The following COL22A1 variants were observed in gnomAD, a reference collection of about 807,000 sequenced individuals.
COL22A1 encodes the protein collagen alpha-1(XXII) chain.
A neutral mutation model predicts 248.9 loss-of-function variants in COL22A1; 221 were observed. The observed-to-expected ratio is 0.89, with a 90% confidence interval of 0.80 to 0.99. The LOEUF is 0.99. COL22A1 is among the 50% of genes least tolerant of loss of function. The pLI, the probability that COL22A1 is intolerant of heterozygous loss-of-function variation, is 0.00. For synonymous variants in COL22A1, 891 were observed against 793.4 expected (o/e 1.12, Z -2.07); for missense variants, 2,240 against 2,179.0 (o/e 1.03, Z -0.56).
chr8:138,882,878 TATAC>T (rs1414750527), intron 2 of COL22A1, among the ~76,000 whole-genome samples, 200 bp downstream of exon 2: 1 of 152,140 alleles, frequency 6.6e-6, no homozygotes, highest in Non-Finnish European at 1.5e-5. Flanking sequence ...CTGTCAGACA[TATAC>T]AGGCCCTTGC....
At chr8:138,684,541 G>T in intron 38 of COL22A1, 72 bp from the exon 39 acceptor site, 1 of 1,054,566 alleles carries the variant, frequency 9.5e-7, no homozygotes. Flanking sequence ...CACGTGCCAG[G>T]CTGACTGCAT....
At chr8:138,896,885 A>C (rs1825453668) in intron 1 of COL22A1, among the ~76,000 whole-genome samples, 1 of 151,852 alleles carries the variant, frequency 6.6e-6, no homozygotes, top group South Asian at 2.1e-4. Context: ...AGGCAGGAGA[A>C]TCACTTGAAC....
rs138965074 is a variant in COL22A1, at chr8:138,676,593, G to C, written c.3115C>G (p.Arg1039Gly). 2 of 1,568,896 alleles carry C rather than the reference G, an allele frequency of 1.3e-6. No individual in the cohort carries two copies. Among genetic ancestry groups the C allele is most frequent in the East Asian group, 4.6e-5 (2 of 43,104 alleles). The part of the protein sequence containing the change: ...APGIPGSPGS[R>G]GDPGIGVAGP... ...GCAACCCCAATGCCTGGGTCACCAC[G>C]GCTGCCAGGAGAACCAGGGATCCCA... The change falls in exon 41 of 65, where the codon CGT becomes GGT. Residue 1039 changes from arginine (R) to glycine (G), a missense_variant. Transcript: ENST00000303045.
In COL22A1 at chr8:138,815,417, C is replaced by T. The variant is rs564540542; in HGVS notation, c.1246-2398G>A. Among the ~76,000 whole-genome samples, 5 of 152,254 alleles carry T rather than the reference C, an allele frequency of 3.3e-5. No individual in the cohort carries two copies. In the South Asian group the frequency reaches 8.3e-4, roughly 25 times the overall value. On this transcript the variant is annotated intron_variant, in intron 7 of 64. Coordinates refer to ENST00000303045, the MANE Select transcript of COL22A1 (RefSeq NM_152888.3). ...TGTATCAGAGCTGTCGACAATCTCT[C>T]GCTCTCCCCAGGCCCTGCAGGACAT...
chr8:138,720,733 C>G lies in COL22A1; in HGVS notation c.2355+6G>C, dbSNP rs1035332554. 1 of 1,612,690 alleles carries G rather than the reference C, an allele frequency of 6.2e-7. No homozygotes were observed. Among genetic ancestry groups the G allele is most frequent in the Admixed American group, 1.7e-5 (1 of 60,016 alleles). Reference sequence around the variant, plus strand: ...GCATAATGGGAAAAAGAGGCAAAGTCCATACCCGAAGGCCTGGTTTTCCAG... The same window carrying G: ...GCATAATGGGAAAAAGAGGCAAAGTGCATACCCGAAGGCCTGGTTTTCCAG... On this transcript the variant is annotated splice_donor_region_variant and intron_variant, in intron 27 of 64. Coordinates refer to ENST00000303045, the MANE Select transcript of COL22A1 (RefSeq NM_152888.3).
At chr8:138,761,835 A>C (rs1042290402) in intron 17 of COL22A1, among the ~76,000 whole-genome samples, 1 of 152,356 alleles carries the variant, frequency 6.6e-6, no homozygotes, top group Non-Finnish European at 1.5e-5. Flanking sequence ...GCAACCAAGC[A>C]GCAAGGTTAT....
At chr8:138,658,386 G>T (rs550805579) in intron 44 of COL22A1, among the ~76,000 whole-genome samples, 1 of 152,240 alleles carries the variant, frequency 6.6e-6, no homozygotes, top group Non-Finnish European at 1.5e-5. Flanking sequence ...GATTTATGGT[G>T]GGTGCCTTGG....
chr8:138,911,023 T>C (rs1815414207), intron 1 of COL22A1, among the ~76,000 whole-genome samples: 1 of 152,144 alleles, frequency 6.6e-6, no homozygotes, highest in South Asian at 2.1e-4. Context: ...TGCTTGGTAA[T>C]TGCAGTATCT....
chr8:138,846,419 C>T (rs1821249127), intron 3 of COL22A1, among the ~76,000 whole-genome samples: 1 of 152,202 alleles, frequency 6.6e-6, no homozygotes, highest in Admixed American at 6.5e-5. Context: ...ACCACGCACA[C>T]AGAAATGATG....
chr8:138,604,896 TG>T (rs1373315787), intron 58 of COL22A1, 127 bp from the exon 59 acceptor site: 1 of 876,984 alleles, frequency 1.1e-6, no homozygotes, highest in African/African-American at 1.6e-5. Flanking sequence ...ATGGTCTACC[TG>T]GCCAAGGACA....
intron 52 of COL22A1, among the ~76,000 whole-genome samples, chr8:138,622,466 C>T (rs1819883273): frequency 6.6e-6 from 1 of 152,126 alleles, no homozygotes; most frequent in Non-Finnish European, 1.5e-5. Context: ...TATTTAATCA[C>T]TATATTTTAA....
chr8:138,629,609 C>T (rs539799840), intron 50 of COL22A1, among the ~76,000 whole-genome samples: 1 of 152,306 alleles, frequency 6.6e-6, no homozygotes, highest in South Asian at 2.1e-4. Flanking sequence ...CTGGACCACC[C>T]ACATGGTGGG....
chr8:138,900,951 T>A (rs755617415), intron 1 of COL22A1, among the ~76,000 whole-genome samples: 1 of 152,176 alleles, frequency 6.6e-6, no homozygotes, highest in Non-Finnish European at 1.5e-5. Flanking sequence ...GGTAGGACAT[T>A]TTTTACACTC....
chr8:138,796,452 T>C lies in COL22A1; in HGVS notation c.1596+367A>G, dbSNP rs1331351642. On this transcript the variant is annotated intron_variant, in intron 12 of 64. Transcript: ENST00000303045. ...GCATTTTTACTATGATGTTTGTAAG[T>C]GTATCTCTTTGTGTTTATCTTAATT... Among the ~76,000 whole-genome samples, 19 of 146,716 alleles carry C rather than the reference T, an allele frequency of 1.3e-4. No individual in the cohort carries two copies. In the Admixed American group the frequency reaches 1.3e-3, roughly 10 times the overall value.
intron 3 of COL22A1, among the ~76,000 whole-genome samples, chr8:138,850,011 C>G (rs1015097091): frequency 2.0e-5 from 3 of 152,172 alleles, no homozygotes; most frequent in African/African-American, 4.8e-5. Context: ...TACAGGTGAA[C>G]AAGTAACTTT....
Position 138,696,812 on chromosome 8 carries a change from C to G in COL22A1, c.2593-1933G>C, listed in dbSNP as rs141276012. On this transcript the variant is annotated intron_variant, in intron 32 of 64. Transcript: ENST00000303045. ...GCCTAGAATCTCCATTGCCATTGAGCTCAGAAGGAGACATGTCTAGCCCCA... is the reference window on the plus strand; with the variant it reads ...GCCTAGAATCTCCATTGCCATTGAGGTCAGAAGGAGACATGTCTAGCCCCA... 1.2e-3 allele frequency among the ~76,000 whole-genome samples: 176 copies of G among 152,342 alleles called. 1 individual carries two copies. Among genetic ancestry groups the G allele is most frequent in the African/African-American group, 3.9e-3 (161 of 41,574 alleles).
intron 9 of COL22A1, among the ~76,000 whole-genome samples, chr8:138,808,050 A>G (rs896815152): frequency 6.6e-6 from 1 of 152,218 alleles, no homozygotes; most frequent in Admixed American, 6.5e-5. Flanking sequence ...TGGACACAAG[A>G]TAGAAACAAG....
intron 39 of COL22A1, among the ~76,000 whole-genome samples, chr8:138,683,758 G>A (rs1423864593): frequency 6.6e-6 from 1 of 152,142 alleles, no homozygotes; most frequent in Non-Finnish European, 1.5e-5. Context: ...TAGACCTAGT[G>A]TCCATGAGAT....
chr8:138,722,223 A>G, intron 25 of COL22A1, 134 bp from the exon 26 acceptor site: 1 of 662,294 alleles, frequency 1.5e-6, no homozygotes. Context: ...TTTGATTAGC[A>G]GGGCCCTGTC....
Sources: allele counts gnomAD v4.1 joint callset (sites outside exome capture counted in the v4.1 genomes callset), GRCh38; gene constraint gnomAD v4.1.1; transcripts MANE v1.5; gene names NCBI Gene and HGNC (gene_info 2026-07-23, HGNC 2026-07-21).